The following IGSF1 variants were observed in gnomAD, a reference collection of about 807,000 sequenced individuals.
The protein encoded by IGSF1 is immunoglobulin-like domain-containing protein 1.
Under a neutral mutation model 95.3 loss-of-function variants are expected in IGSF1, and 40 were observed. The observed-to-expected ratio is 0.42, with a 90% confidence interval of 0.33 to 0.55. The LOEUF is 0.55. Ranked by LOEUF, IGSF1 falls within the 20% of genes least tolerant of loss-of-function variation. IGSF1 has a pLI of 0.10. For synonymous variants in IGSF1, 372 were observed against 382.9 expected (o/e 0.97, Z 0.33); for missense variants, 906 against 1,025.4 (o/e 0.88, Z 1.59).
In IGSF1 at chrX:131,286,678, G is replaced by T; in HGVS notation, c.-4C>A. On this transcript the variant is annotated 5_prime_UTR_variant, in exon 2 of 20. Transcript: ENST00000361420. Reference sequence around the variant, plus strand: ...CCCCTGGTCTGTCCAGGGTCATGGGGCCTCTGGTGCTGGCTGTGTGCTCTG... The same window carrying T: ...CCCCTGGTCTGTCCAGGGTCATGGGTCCTCTGGTGCTGGCTGTGTGCTCTG... 1 of 1,154,437 alleles carries T rather than the reference G, an allele frequency of 8.7e-7. No homozygotes were observed. Among genetic ancestry groups the T allele is most frequent in the Admixed American group, 3.1e-5 (1 of 32,689 alleles).
rs2080599287 is a variant in IGSF1, at chrX:131,284,070, T to C, written c.668-806A>G. On this transcript the variant is annotated intron_variant, in intron 5 of 19. Coordinates refer to ENST00000361420, the MANE Select transcript of IGSF1 (RefSeq NM_001555.5). ...CGGAAGTGTATTTTAGTGGAATCTA[T>C]GCTGAAAGGGCATGAGTACAACAAA... 7.8e-6 allele frequency: 5 copies of C among 641,090 alleles called. No individual in the cohort carries two copies. In the South Asian group the frequency reaches 4.1e-4, roughly 52 times the overall value. 52.8% of individuals were successfully genotyped at this position (641,090 alleles called of 1,213,427 possible).
chrX:131,279,316 G>A lies in IGSF1; in HGVS notation c.1672C>T (p.Gln558Ter). The change falls in exon 10 of 20, where the codon CAA (glutamine) becomes TAA (stop). Residue 558 changes from glutamine to a stop codon, truncating the protein, a stop_gained. Transcript: ENST00000361420. LOFTEE classifies it high-confidence loss of function. ...IREAWLLGTA[Q>*]GVTMLFIVTA... ...ACTATGAAGAGCATGGTGACCCCTT[G>A]AGCTGTTCCCAGCAACCAGGCTTCT... is the stretch of plus-strand genomic sequence containing the variant. The A allele has an allele frequency of 8.3e-7, 1 of 1,210,664 alleles. No homozygotes were observed. Among genetic ancestry groups the A allele is most frequent in the Non-Finnish European group, 1.1e-6 (1 of 894,646 alleles).
At chrX:131,284,194 T>C in intron 5 of IGSF1, 3 of 400,210 alleles carry the variant, frequency 7.5e-6, no homozygotes, top group South Asian at 2.6e-4. Flanking sequence ...TGAGAACTTA[T>C]ATGCCAGGCA....
chrX:131,278,390 A>C (rs767349647), intron 12 of IGSF1, 71 bp downstream of exon 12: 5 of 989,631 alleles, frequency 5.1e-6, no homozygotes, highest in Non-Finnish European at 5.5e-6. Context: ...TCATTCCCTC[A>C]CTCCCAGGAG....
At chrX:131,280,559 G>A (rs1425962373) in intron 9 of IGSF1, among the ~76,000 whole-genome samples, 1 of 111,964 alleles carries the variant, frequency 8.9e-6, no homozygotes, top group African/African-American at 3.2e-5. Context: ...GATGAGAGAG[G>A]CAGATGGCCC....
Position 131,275,991 on chromosome X carries a change from G to C in IGSF1, c.2866C>G (p.Leu956Val). 8.3e-7 allele frequency: 1 copy of C among 1,210,345 alleles called. No individual in the cohort carries two copies. The highest frequency in any genetic ancestry group is 1.7e-5 in the African/African-American group (1 of 57,722). ...ACCCAGATCATAAGGGGCATACTGA[G>C]ATATGACCCCCTGTTTGACATGGTT... ...ETTMSNRGSY[L>V]SMPLMIWVTD... is the part of the protein sequence containing the mutation. The change falls in exon 15 of 20, where the codon CTC (leucine) becomes GTC (valine). Residue 956 changes from leucine to valine, a missense_variant. By Grantham distance (32) the Leu-to-Val change is conservative. Coordinates refer to ENST00000361420, the MANE Select transcript of IGSF1 (RefSeq NM_001555.5).
At position 131,283,323 on chromosome X, in the gene IGSF1, G is replaced by C. The variant is rs1004351032; in HGVS notation, c.668-59C>G. 7.1e-6 allele frequency: 7 copies of C among 990,594 alleles called. No homozygotes were observed. In the Admixed American group the frequency reaches 1.5e-4, roughly 21 times the overall value. 81.6% of individuals were successfully genotyped at this position (990,594 alleles called of 1,213,427 possible). On this transcript the variant is annotated intron_variant, in intron 5 of 19. Coordinates refer to ENST00000361420, the MANE Select transcript of IGSF1 (RefSeq NM_001555.5). ...AGATGATTCTTTCCTGTTGTCTTCT[G>C]TTTTCTCTTTCTTAATTTCTTTGAA...
At position 131,276,997 on chromosome X, in the gene IGSF1, T is replaced by C; in HGVS notation, c.2550A>G (p.Arg850=). The C allele has an allele frequency of 8.3e-7, 1 of 1,210,848 alleles. No homozygotes were observed. Among genetic ancestry groups the C allele is most frequent in the Admixed American group, 2.2e-5 (1 of 45,969 alleles). ...CAGACCAGATAGAAAAGTCATAATATCGGCAGCTGTAATTCCCTCCATCAC... is the reference window on the plus strand; with the variant it reads ...CAGACCAGATAGAAAAGTCATAATACCGGCAGCTGTAATTCCCTCCATCAC... ...GIGDGGNYSC[R]YYDFSIWSEP... is the part of the protein sequence containing the mutation. Residue 850 remains arginine (R), a synonymous_variant, in exon 14 of 20, where the codon CGA becomes CGG. Coordinates refer to ENST00000361420, the MANE Select transcript of IGSF1 (RefSeq NM_001555.5).
At chrX:131,289,446 G>T (rs780952962), upstream of IGSF1, 5 of 336,762 alleles carry the variant, frequency 1.5e-5, no homozygotes, top group Admixed American at 2.9e-5. Context: ...CTCTGACGAC[G>T]GGGATTTCTA....
chrX:131,286,078 A>G, intron 3 of IGSF1, 30 bp from the exon 4 acceptor site: 1 of 1,141,404 alleles, frequency 8.8e-7, no homozygotes, highest in East Asian at 3.0e-5. Flanking sequence ...AAAAGATATG[A>G]GCAGTCCAAC....
intron 11 of IGSF1, 82 bp downstream of exon 11, chrX:131,279,061 C>T: frequency 2.0e-6 from 2 of 1,014,189 alleles, no homozygotes; most frequent in Admixed American, 2.2e-5. Context: ...ACCAGCCACT[C>T]CCTGGCCAAT....
At chrX:131,282,127 C>T (rs747994552) in intron 7 of IGSF1, among the ~76,000 whole-genome samples, 183 bp from the exon 8 acceptor site, 51 of 111,405 alleles carry the variant, frequency 4.6e-4, no homozygotes, top group Non-Finnish European at 8.1e-4. Context: ...CTAAAGATTC[C>T]TGGTTCCTTA....
rs2080599209 is a variant in IGSF1 at position 131,284,068 on chromosome X, T to C, written c.668-804A>G. 1.1e-5 allele frequency: 7 copies of C among 630,626 alleles called. No individual in the cohort carries two copies. In the South Asian group the frequency reaches 4.9e-4, roughly 44 times the overall value. The allele number at this position is 630,626 out of a possible 1,213,427, so 52.0% of individuals were successfully genotyped here. Reference sequence around the variant, plus strand: ...TACGGAAGTGTATTTTAGTGGAATCTATGCTGAAAGGGCATGAGTACAACA... The same window carrying C: ...TACGGAAGTGTATTTTAGTGGAATCCATGCTGAAAGGGCATGAGTACAACA... On this transcript the variant is annotated intron_variant, in intron 5 of 19. Coordinates refer to ENST00000361420, the MANE Select transcript of IGSF1 (RefSeq NM_001555.5).
At chrX:131,282,817 C>T (rs1814623124) in intron 6 of IGSF1, 80 bp from the exon 7 acceptor site, 2 of 1,025,137 alleles carry the variant, frequency 2.0e-6, no homozygotes, top group Non-Finnish European at 2.7e-6. Context: ...CCTTCTCTTC[C>T]TCCAAACCAC....
intron 9 of IGSF1, 151 bp from the exon 10 acceptor site, chrX:131,279,492 A>G (rs1203747486): frequency 5.3e-5 from 26 of 490,514 alleles, no homozygotes; most frequent in African/African-American, 2.4e-5. Flanking sequence ...TTTGACATCA[A>G]TGACTTTTCT....
At chrX:131,287,574 G>C (rs2080661155) in intron 1 of IGSF1, among the ~76,000 whole-genome samples, 1 of 111,450 alleles carries the variant, frequency 9.0e-6, no homozygotes, top group African/African-American at 3.3e-5. Context: ...ATTTACATAA[G>C]GTCTAAATGA....
chrX:131,287,417 C>T (rs1487518487), intron 1 of IGSF1, among the ~76,000 whole-genome samples: 1 of 110,497 alleles, frequency 9.1e-6, no homozygotes, highest in African/African-American at 3.3e-5. Flanking sequence ...CTTCACCCTC[C>T]CTTACCCCTC....
chrX:131,275,319 A>G, intron 16 of IGSF1, 33 bp from the exon 17 acceptor site: 1 of 1,194,163 alleles, frequency 8.4e-7, no homozygotes, highest in South Asian at 1.8e-5. Flanking sequence ...CAAAGAGAAG[A>G]GGTCACTTTC....
rs146715796 is a variant in IGSF1 at position 131,278,044 on chromosome X, C to G, written c.2132G>C (p.Gly711Ala). The change falls in exon 13 of 20, where the codon GGG (glycine) becomes GCG (alanine). Residue 711 changes from glycine (G) to alanine (A), a missense_variant. Transcript: ENST00000361420. ...LRCKGWLAGM[G>A]FALYKEGEQE... ...CTCTCCCTCCTTATACAGAGCAAAC[C>G]CCATGCCTGCCAGCCATCCTTTGCA... 7,482 of 1,208,891 alleles carry G rather than the reference C, an allele frequency of 6.2e-3. 289 individuals carry two copies. The East Asian group carries it at 0.15, about 24-fold the overall frequency.
Sources: gnomAD v4.1 joint callset for allele counts (sites outside exome capture counted in the v4.1 genomes callset) on GRCh38, gnomAD v4.1.1 for gene constraint, MANE v1.5 for transcripts, NCBI Gene and HGNC (gene_info 2026-07-23, HGNC 2026-07-21) for gene names.